Variants in RHBDD3 observed in about 807,000 individuals in gnomAD.
RHBDD3 encodes rhomboid domain containing 3.
In RHBDD3, 34 loss-of-function variants were observed where a neutral mutation model predicts 32.3. The observed-to-expected ratio is 1.05, with a 90% CI of 0.80 to 1.40. The LOEUF (loss-of-function observed/expected upper bound fraction) is 1.40, where lower values mean the gene tolerates loss of function less well. Ranked by LOEUF, RHBDD3 falls within the 40% of genes most tolerant of loss-of-function variation. The pLI is 0.00. For missense variants in RHBDD3, 482 were observed against 492.6 expected, an observed-to-expected ratio of 0.98 and a Z score of 0.20; for synonymous variants, 249 against 239.1, an observed-to-expected ratio of 1.04 and a Z score of -0.38.
chr22:29,260,008 A>T lies in RHBDD3; in HGVS notation c.*52T>A. 2 of 1,524,248 alleles carry T rather than the reference A, an allele frequency of 1.3e-6. No homozygotes were observed. The highest frequency in any genetic ancestry group is 2.7e-5 in the African/African-American group (2 of 72,752). 94.4% of individuals were successfully genotyped at this position (1,524,248 alleles called of 1,614,324 possible). A position where few individuals can be genotyped will look rare whatever the true frequency, so the allele number is the denominator to read the frequency against. On this transcript the variant is annotated 3_prime_UTR_variant, in exon 7 of 7. Transcript: ENST00000216085. The stretch of plus-strand genomic sequence containing the variant: ...GTAGGAGCTCGGGCTACCCACATGC[A>T]GCCCAGCCCTTAGCACCCAAGGGCC...
At position 29,260,533 on chromosome 22, in the gene RHBDD3, C is replaced by A; in HGVS notation, c.776G>T (p.Ser259Ile). The change falls in exon 6 of 7, where the codon AGC (serine) becomes ATC (isoleucine). Residue 259 changes from serine to isoleucine, a missense_variant. Ser to Ile is a moderately radical substitution (Grantham distance 142). Transcript: ENST00000216085. ...CCAGGTGGGCTGCACAGGCCTCAGG[C>A]TTGGTGGGGGCAGGGCTGAGTCTTC... The part of the protein sequence containing the change: ...HWEDSALPPP[S>I]LRPVQPTWEG... 1 of 1,598,054 alleles carries A rather than the reference C, an allele frequency of 6.3e-7. No homozygotes were observed.
At position 29,267,924 on chromosome 22, in the gene RHBDD3, C is replaced by A. The variant is rs1043894732; in HGVS notation, c.-371G>T. On this transcript the variant is annotated 5_prime_UTR_variant, in exon 1 of 7. Coordinates refer to ENST00000216085, the MANE Select transcript of RHBDD3 (RefSeq NM_012265.3). ...TCCCCGCGGCCCGCGGATTAGTCAG[C>A]AGTTGTTCTAGTCCGGGTCCCTTCC... The A allele has an allele frequency of 4.6e-5, 12 of 259,382 alleles. No homozygotes were observed. The highest frequency in any genetic ancestry group is 9.0e-5 in the Non-Finnish European group (12 of 132,744). The allele number at this position is 259,382 out of a possible 1,614,324, so 16.1% of individuals were successfully genotyped here. A position where few individuals can be genotyped will look rare whatever the true frequency, so the allele number is the denominator to read the frequency against.
At chr22:29,265,002 TC>T (rs1285804557) in intron 3 of RHBDD3, 1 of 152,352 alleles carries the variant, frequency 6.6e-6, no homozygotes, top group Non-Finnish European at 1.5e-5. Flanking sequence ...ATGGTCTCAA[TC>T]TCCTGACCTC....
At chr22:29,267,271 C>G (rs1440998149) in intron 2 of RHBDD3, 155 bp downstream of exon 2, 1 of 152,558 alleles carries the variant, frequency 6.6e-6, no homozygotes, top group African/African-American at 2.4e-5. Flanking sequence ...TAAACCTCCT[C>G]CTGCATCGAC....
chr22:29,260,731 C>T lies in RHBDD3; in HGVS notation c.666G>A (p.Glu222=). ...CTCCGGCAGGATGGGTGACAGGCAG[C>T]TCCGCCAGGCTACCCGGGGTGGCAA... is the stretch of plus-strand genomic sequence containing the variant. ...RLLATPGSLA[E]LPVTHPAGVR... Residue 222 remains glutamate (E), a synonymous_variant, in exon 5 of 7, where the codon GAG becomes GAA. Coordinates refer to ENST00000216085, the MANE Select transcript of RHBDD3 (RefSeq NM_012265.3). 3 of 1,592,060 alleles carry T rather than the reference C, an allele frequency of 1.9e-6. No homozygotes were observed. The highest frequency in any genetic ancestry group is 2.3e-5 in the East Asian group (1 of 44,294).
Position 29,260,731 on chromosome 22 carries a change from C to A in RHBDD3, c.666G>T (p.Glu222Asp). Residue 222 changes from glutamate to aspartate, a missense_variant, in exon 5 of 7, where the codon GAG becomes GAT. By Grantham distance (45) the Glu-to-Asp change is conservative. Coordinates refer to ENST00000216085, the MANE Select transcript of RHBDD3 (RefSeq NM_012265.3). ...CTCCGGCAGGATGGGTGACAGGCAG[C>A]TCCGCCAGGCTACCCGGGGTGGCAA... ...RLLATPGSLAELPVTHPAGVR... is the reference protein window; with the variant it reads ...RLLATPGSLADLPVTHPAGVR... 2 of 1,592,060 alleles carry A rather than the reference C, an allele frequency of 1.3e-6. No individual in the cohort carries two copies. Among genetic ancestry groups the A allele is most frequent in the Admixed American group, 1.8e-5 (1 of 57,058 alleles).
In RHBDD3 at chr22:29,265,749, C is replaced by T. The variant is rs1465597208; in HGVS notation, c.-42-81G>A. ...ACCCTCTCAAGCACCTTATCAACAG[C>T]CCTATTTTACAGAGGTGGAAACAGG... On this transcript the variant is annotated intron_variant, in intron 2 of 6. Coordinates refer to ENST00000216085, the MANE Select transcript of RHBDD3 (RefSeq NM_012265.3). 4.5e-6 allele frequency: 6 copies of T among 1,339,364 alleles called. No individual in the cohort carries two copies. The Admixed American group carries it at 1.1e-4, about 25-fold the overall frequency. The allele number at this position is 1,339,364 out of a possible 1,614,324, so 83.0% of individuals were successfully genotyped here.
Position 29,267,887 on chromosome 22 carries a change from C to A in RHBDD3, c.-334G>T, listed in dbSNP as rs1171211527. ...CGCGTGACCCCTGCCGACCGGCTGG[C>A]GCGCCACCCATTCCCCGCGGCCCGC... is the stretch of plus-strand genomic sequence containing the variant. On this transcript the variant is annotated 5_prime_UTR_variant, in exon 1 of 7. Transcript: ENST00000216085. 1.3e-5 allele frequency: 3 copies of A among 231,254 alleles called. No homozygotes were observed. The highest frequency in any genetic ancestry group is 2.2e-4 in the South Asian group (2 of 9,074). The allele number at this position is 231,254 out of a possible 1,614,324, so 14.3% of individuals were successfully genotyped here. A position where few individuals can be genotyped will look rare whatever the true frequency, so the allele number is the denominator to read the frequency against.
At chr22:29,263,812 C>A in intron 4 of RHBDD3, 23 bp downstream of exon 4, 2 of 1,499,234 alleles carry the variant, frequency 1.3e-6, no homozygotes. Flanking sequence ...TCCCCACGGG[C>A]CCTGGGCTCA....
chr22:29,263,952 G>C lies in RHBDD3; in HGVS notation c.415C>G (p.Pro139Ala). 1 of 1,550,334 alleles carries C rather than the reference G, an allele frequency of 6.5e-7. No individual in the cohort carries two copies. The highest frequency in any genetic ancestry group is 8.7e-7 in the Non-Finnish European group (1 of 1,147,154). The change falls in exon 4 of 7, where the codon CCC (proline) becomes GCC (alanine). Residue 139 changes from proline to alanine, a missense_variant. Pro to Ala is a conservative substitution (Grantham distance 27). Transcript: ENST00000216085. ...AGCCACGGTGGCAGTGCCCCACGGG[G>C]CCGTCTAGGGCGGTGTCCCTCCCCA... ...LAGEGHRPRR[P>A]RGALPPWLSP...
chr22:29,264,393 G>C, intron 3 of RHBDD3, 175 bp from the exon 4 acceptor site: 1 of 1,424,562 alleles, frequency 7.0e-7, no homozygotes, highest in South Asian at 1.6e-5. Context: ...AGGGACCAAG[G>C]ACTTCCAAAC....
intron 3 of RHBDD3, chr22:29,264,539 C>G: frequency 8.9e-7 from 1 of 1,124,566 alleles, no homozygotes; most frequent in Non-Finnish European, 1.1e-6. Flanking sequence ...TTTACTAAAT[C>G]ATACCTGGCT....
Position 29,260,578 on chromosome 22 carries a change from G to C in RHBDD3, c.731C>G (p.Pro244Arg). The change falls in exon 6 of 7, where the codon CCT (proline) becomes CGT (arginine). Residue 244 changes from proline to arginine, a missense_variant. Pro to Arg is a moderately radical substitution (Grantham distance 103). Transcript: ENST00000216085. ...PIPGPPYVAS[P>R]DLWSHWEDSA... ...GTCTTCCCAGTGGGACCAGAGGTCA[G>C]GGGAGGCCACATAAGGCGGTCCAGG... is the stretch of plus-strand genomic sequence containing the variant. The C allele has an allele frequency of 6.2e-7, 1 of 1,600,274 alleles. No individual in the cohort carries two copies. The highest frequency in any genetic ancestry group is 1.1e-5 in the South Asian group (1 of 89,184).
intron 4 of RHBDD3, chr22:29,261,493 C>T (rs2058119877): frequency 2.7e-6 from 1 of 374,458 alleles, no homozygotes; most frequent in African/African-American, 2.1e-5. Flanking sequence ...ACTCAAGTGG[C>T]TGAGGCAAGA....
At position 29,259,984 on chromosome 22, in the gene RHBDD3, T is replaced by C. The variant is rs2058089754; in HGVS notation, c.*76A>G. The stretch of plus-strand genomic sequence containing the variant: ...CCACTGTGGCCCTCTTTAGACAGAG[T>C]AGGAGCTCGGGCTACCCACATGCAG... On this transcript the variant is annotated 3_prime_UTR_variant, in exon 7 of 7. Coordinates refer to ENST00000216085, the MANE Select transcript of RHBDD3 (RefSeq NM_012265.3). 1 of 1,451,022 alleles carries C rather than the reference T, an allele frequency of 6.9e-7. No individual in the cohort carries two copies. The highest frequency in any genetic ancestry group is 1.3e-5 in the South Asian group (1 of 76,302). The allele number at this position is 1,451,022 out of a possible 1,614,324, so 89.9% of individuals were successfully genotyped here. A position where few individuals can be genotyped will look rare whatever the true frequency, so the allele number is the denominator to read the frequency against.
chr22:29,261,172 C>T (rs909634368), intron 4 of RHBDD3: 14 of 562,736 alleles, frequency 2.5e-5, no homozygotes, highest in East Asian at 3.7e-5. Flanking sequence ...AAGACCCACC[C>T]GTCCTGGAAG....
rs572526641 is a variant in RHBDD3, at chr22:29,265,074, G to A, written c.148+405C>T. ...ATTACAGGAGTGAGCCACTGCGCCC[G>A]GCCAATTTTTGTATTTTTAGTAGAG... On this transcript the variant is annotated intron_variant, in intron 3 of 6. Coordinates refer to ENST00000216085, the MANE Select transcript of RHBDD3 (RefSeq NM_012265.3). 3.2e-5 allele frequency: 5 copies of A among 154,566 alleles called. 1 individual carries two copies. The East Asian group carries it at 5.7e-4, about 18-fold the overall frequency. 9.6% of individuals were successfully genotyped at this position (154,566 alleles called of 1,614,324 possible). A position where few individuals can be genotyped will look rare whatever the true frequency, so the allele number is the denominator to read the frequency against.
rs1008698860 is a variant in RHBDD3, at chr22:29,261,265, G to A, written c.533-401C>T. On this transcript the variant is annotated intron_variant, in intron 4 of 6. Coordinates refer to ENST00000216085, the MANE Select transcript of RHBDD3 (RefSeq NM_012265.3). ...CAATCCAGAGTGCAGAGGCCAGCCT[G>A]TTCTCTCCAGTGGCACTGTTTTCCC... 3 of 487,496 alleles carry A rather than the reference G, an allele frequency of 6.2e-6. No individual in the cohort carries two copies. The Admixed American group carries it at 7.0e-5, about 11-fold the overall frequency. 30.2% of individuals were successfully genotyped at this position (487,496 alleles called of 1,614,324 possible). A position where few individuals can be genotyped will look rare whatever the true frequency, so the allele number is the denominator to read the frequency against.
At chr22:29,265,401 G>C (rs2058164610) in intron 3 of RHBDD3, 78 bp downstream of exon 3, 1 of 1,282,238 alleles carries the variant, frequency 7.8e-7, no homozygotes, top group Admixed American at 3.4e-5. Flanking sequence ...TGGAGGCCTT[G>C]TGCTGCTCCT....
Sources: gnomAD v4.1 joint callset for allele counts on GRCh38, gnomAD v4.1.1 for gene constraint, MANE v1.5 for transcripts, NCBI Gene and HGNC (gene_info 2026-07-23, HGNC 2026-07-21) for gene names.